FAAP20: variants seen among roughly 807,000 people sequenced by gnomAD.
The protein encoded by FAAP20 is FA core complex associated protein 20.
FAAP20 carries 12 observed loss-of-function variants against 16.2 expected under a neutral mutation model. That is an observed-to-expected ratio of 0.74 (90% CI 0.48 to 1.20). The LOEUF is 1.20. Among genes scored for constraint, FAAP20 ranks in the 50% most tolerant of loss-of-function variants. FAAP20 has a pLI of 0.00. For missense variants in FAAP20, 288 were observed against 245.8 expected, an observed-to-expected ratio of 1.17 and a Z score of -1.15; for synonymous variants, 141 against 110.7, an observed-to-expected ratio of 1.27 and a Z score of -1.72.
chr1:2,186,703 G>C (rs931074303), downstream of FAAP20: 1 of 154,092 alleles, frequency 6.5e-6, no homozygotes, highest in Non-Finnish European at 1.4e-5. Context: ...GGCCGCTGAA[G>C]TTACACCTGC....
At chr1:2,192,704 C>A in intron 3 of FAAP20, 1 of 1,185,412 alleles carries the variant, frequency 8.4e-7, no homozygotes, top group Non-Finnish European at 1.1e-6. Flanking sequence ...GCCTCCAATT[C>A]CTGGCTCAAG....
chr1:2,209,212 C>A (rs1689369735), downstream of FAAP20, among the ~76,000 whole-genome samples: 1 of 152,146 alleles, frequency 6.6e-6, no homozygotes, highest in South Asian at 2.1e-4. Context: ...CAAGCACCGT[C>A]CTGCCCCCAG....
chr1:2,207,002 A>C (rs1689282946), intron 1 of FAAP20, among the ~76,000 whole-genome samples: 1 of 151,978 alleles, frequency 6.6e-6, no homozygotes, highest in Non-Finnish European at 1.5e-5. Flanking sequence ...ACCCGAAAAC[A>C]CGGCAAGGTC....
At chr1:2,200,679 G>A (rs1037460044), upstream of FAAP20, 63 of 986,594 alleles carry the variant, frequency 6.4e-5, no homozygotes, top group Non-Finnish European at 7.2e-5. Context: ...GCAGGCTCCC[G>A]GCTTTCCAAG....
chr1:2,193,081 C>T, intron 3 of FAAP20: 1 of 1,155,316 alleles, frequency 8.7e-7, no homozygotes. Context: ...GCATCATTCA[C>T]ACCACCCCAG....
rs1688000963 is a variant in FAAP20 at position 2,189,998 on chromosome 1, G to T, written c.471-217C>A. ...CCGTGCCCGTGAGGAGGCCACGCCA[G>T]GCCCCTGCGTCCGAGCTGGGGGTGG... On this transcript the variant is annotated intron_variant, in intron 3 of 3. Coordinates refer to ENST00000378546, the MANE Select transcript of FAAP20 (RefSeq NM_182533.4). 16 of 620,346 alleles carry T rather than the reference G, an allele frequency of 2.6e-5. No homozygotes were observed. The East Asian group carries it at 4.5e-4, about 17-fold the overall frequency. 38.4% of individuals were successfully genotyped at this position (620,346 alleles called of 1,614,324 possible). A position where few individuals can be genotyped will look rare whatever the true frequency, so the allele number is the denominator to read the frequency against.
upstream of FAAP20, chr1:2,203,727 G>T: frequency 1.3e-6 from 1 of 776,850 alleles, no homozygotes; most frequent in African/African-American, 1.9e-5. Context: ...CCTGGAGCCT[G>T]GCCTCAGGCC....
At chr1:2,190,058 T>G (rs1191652154) in intron 3 of FAAP20, 1 of 590,894 alleles carries the variant, frequency 1.7e-6, no homozygotes, top group Non-Finnish European at 3.2e-6. Flanking sequence ...TCTATGGGAT[T>G]CTGGCGCCTG....
chr1:2,212,052 G>A (rs143314458), downstream of FAAP20: 24,523 of 151,624 alleles, frequency 0.16, 2,254 homozygotes, highest in African/African-American at 0.25. Context: ...ACAGGCGCCC[G>A]CCACCACGCC....
At chr1:2,199,657 T>TGTCCACC, upstream of FAAP20, 1 of 983,560 alleles carries the variant, frequency 1.0e-6, no homozygotes, top group Non-Finnish European at 1.2e-6. The surrounding 1 kb of genome is among the most constrained non-coding windows in gnomAD (Gnocchi z 4.5). Flanking sequence ...CGAAGACTCA[T>TGTCCACC]GTCCACCAGT....
intron 3 of FAAP20, 33 bp from the exon 4 acceptor site, chr1:2,189,814 C>T (rs1687969024): frequency 1.9e-6 from 3 of 1,548,980 alleles, no homozygotes; most frequent in Non-Finnish European, 2.7e-6. Context: ...ACTCGGCCAC[C>T]TCCGCGGCAT....
downstream of FAAP20, chr1:2,185,003 G>C (rs375012753): frequency 1.9e-6 from 3 of 1,612,310 alleles, no homozygotes; most frequent in African/African-American, 4.0e-5. Flanking sequence ...CCGAGGAGTC[G>C]GTGTGAGGCC....
At chr1:2,199,026 G>A, upstream of FAAP20, 1 of 1,245,330 alleles carries the variant, frequency 8.0e-7, no homozygotes, top group Non-Finnish European at 1.0e-6. The surrounding 1 kb of genome is among the most constrained non-coding windows in gnomAD (Gnocchi z 4.5). Context: ...GTGCCCTTGG[G>A]CACCGACAGC....
At chr1:2,201,800 G>A (rs888994572), upstream of FAAP20, among the ~76,000 whole-genome samples, 3 of 152,138 alleles carry the variant, frequency 2.0e-5, no homozygotes, top group East Asian at 5.8e-4. Flanking sequence ...GGCGGATCAC[G>A]AAGTCAGGAG....
chr1:2,193,882 TC>T lies in FAAP20; in HGVS notation c.226del (p.Glu76LysfsTer83), dbSNP rs1225488844. 1.9e-6 allele frequency: 3 copies of T among 1,612,240 alleles called. No homozygotes were observed. The highest frequency in any genetic ancestry group is 2.5e-6 in the Non-Finnish European group (3 of 1,179,794). ...GGTCTTGGGTCCGACAGTGAAGACT[TC>T]AGTGGGCTCCGGGCCGCACCTGGGC... ...QEPRCGPEPT[E>X]VFTVGPKTFS... On this transcript the variant is annotated frameshift_variant, in exon 3 of 4. Transcript: ENST00000378546. LOFTEE classifies it high-confidence loss of function.
chr1:2,188,739 C>T (rs1407536158), downstream of FAAP20, among the ~76,000 whole-genome samples: 1 of 152,212 alleles, frequency 6.6e-6, no homozygotes, highest in East Asian at 1.9e-4. Flanking sequence ...AGCGCGGTGG[C>T]TCACGCCTGT....
chr1:2,206,174 C>G (rs1211707115), intron 3 of FAAP20: 1 of 152,354 alleles, frequency 6.6e-6, no homozygotes, highest in Non-Finnish European at 1.5e-5. Flanking sequence ...TCGATTTCCC[C>G]CTTAAGAAAC....
chr1:2,191,811 G>A, intron 3 of FAAP20: 4 of 983,952 alleles, frequency 4.1e-6, no homozygotes, highest in Non-Finnish European at 4.8e-6. Context: ...CGCAGCTCTG[G>A]CTCTCAACAT....
downstream of FAAP20, among the ~76,000 whole-genome samples, chr1:2,186,492 A>G (rs1404354333): frequency 1.2e-5 from 1 of 85,934 alleles, no homozygotes; most frequent in African/African-American, 4.6e-5. Flanking sequence ...GACCCTGGAC[A>G]CCCGCCCCCC....
Sources: gnomAD v4.1 joint callset for allele counts (sites outside exome capture counted in the v4.1 genomes callset) on GRCh38, gnomAD v4.1.1 for gene constraint, Gnocchi (gnomAD v3.1) non-coding constraint, MANE v1.5 for transcripts, NCBI Gene and HGNC (gene_info 2026-07-23, HGNC 2026-07-21) for gene names.